DYDC2: variants seen among roughly 807,000 people sequenced by gnomAD.
The protein encoded by DYDC2 is DPY30 domain containing 2.
In DYDC2, 19 loss-of-function variants were observed where a neutral mutation model predicts 18.7. The observed-to-expected ratio is 1.02, with a 90% CI of 0.71 to 1.49. The LOEUF (loss-of-function observed/expected upper bound fraction) is 1.49. Ranked by LOEUF, DYDC2 falls within the 40% of genes most tolerant of loss-of-function variation. DYDC2 has a pLI of 0.00. For missense variants in DYDC2, 179 were observed against 205.1 expected (o/e 0.87, Z 0.78); for synonymous variants, 63 against 67.6 (o/e 0.93, Z 0.34).
At chr10:80,364,992 C>T (rs1843782568) in intron 4 of DYDC2, among the ~76,000 whole-genome samples, 1 of 152,170 alleles carries the variant, frequency 6.6e-6, no homozygotes, top group Non-Finnish European at 1.5e-5. Flanking sequence ...ACAAATTGCT[C>T]CTTGCTATTG....
chr10:80,363,336 GT>G lies in DYDC2; in HGVS notation c.270+289del, dbSNP rs3038629. ...GTGTTACTGGTTTTAAAAAAAATCTGTTTTTTTTTTTTTTTTTTTTTTTTTT... is the reference window on the plus strand; with the variant it reads ...GTGTTACTGGTTTTAAAAAAAATCTGTTTTTTTTTTTTTTTTTTTTTTTTT... On this transcript the variant is annotated intron_variant, in intron 4 of 4. Transcript: ENST00000256039. Among the ~76,000 whole-genome samples the G allele has an allele frequency of 3.5e-3, 285 of 81,640 alleles. 2 individuals carry two copies. The highest frequency in any genetic ancestry group is 0.012 in the African/African-American group (220 of 18,838). The allele number at this position is 81,640 out of a possible 152,430, so 53.6% of individuals were successfully genotyped here. A position where few individuals can be genotyped will look rare whatever the true frequency, so the allele number is the denominator to read the frequency against.
At chr10:80,352,603 TC>T (rs1366435714), upstream of DYDC2, 1 of 1,597,034 alleles carries the variant, frequency 6.3e-7, no homozygotes, top group Non-Finnish European at 8.5e-7. Flanking sequence ...TGACTCCATT[TC>T]TAACTCCTAA....
intron 1 of DYDC2, among the ~76,000 whole-genome samples, chr10:80,345,828 GAT>G (rs202191676): frequency 6.6e-6 from 1 of 151,850 alleles, no homozygotes; most frequent in Non-Finnish European, 1.5e-5. Flanking sequence ...ATATATGTGA[GAT>G]ATATATATAC....
chr10:80,350,717 T>A (rs889604056), intron 1 of DYDC2, among the ~76,000 whole-genome samples: 3 of 152,214 alleles, frequency 2.0e-5, no homozygotes, highest in Non-Finnish European at 4.4e-5. Context: ...TTTTTAAATA[T>A]GTAAATTTGA....
chr10:80,347,276 C>CTTTTTTTTTTTTTT (rs556362145), intron 1 of DYDC2, among the ~76,000 whole-genome samples: 3 of 90,122 alleles, frequency 3.3e-5, no homozygotes, highest in African/African-American at 4.4e-5. Context: ...AATTGGGATC[C>CTTTTTTTTTTTTTT]TTTTTTTTTT....
chr10:80,350,675 T>C (rs1842928771), intron 1 of DYDC2, among the ~76,000 whole-genome samples: 1 of 152,228 alleles, frequency 6.6e-6, no homozygotes, highest in African/African-American at 2.4e-5. Context: ...TTTCTTTCTA[T>C]CCACATACTC....
chr10:80,367,271 C>T lies in DYDC2; in HGVS notation c.*320C>T, dbSNP rs539405992. ...CACCCGGCCATGGGGGCTACAAAGTCCAGCCGAGTCAAAGGAAAGAGAAAA... is the reference window on the plus strand; with the variant it reads ...CACCCGGCCATGGGGGCTACAAAGTTCAGCCGAGTCAAAGGAAAGAGAAAA... On this transcript the variant is annotated 3_prime_UTR_variant, in exon 5 of 5. Transcript: ENST00000256039. 1.9e-5 allele frequency: 4 copies of T among 206,584 alleles called. No homozygotes were observed. In the South Asian group the frequency reaches 5.2e-4, roughly 27 times the overall value. 12.8% of individuals were successfully genotyped at this position (206,584 alleles called of 1,614,324 possible).
In DYDC2 at chr10:80,368,070, T is replaced by C. The variant is rs1843889196; in HGVS notation, c.*1119T>C. 2.0e-5 allele frequency: 3 copies of C among 152,258 alleles called. No individual in the cohort carries two copies. The highest frequency in any genetic ancestry group is 2.0e-4 in the Admixed American group (3 of 15,288). The allele number at this position is 152,258 out of a possible 1,614,324, so 9.4% of individuals were successfully genotyped here. On this transcript the variant is annotated 3_prime_UTR_variant, in exon 5 of 5. Coordinates refer to ENST00000256039, the MANE Select transcript of DYDC2 (RefSeq NM_032372.6). ...ATGTTGTATAAATAGACTCATACAA[T>C]GTTTGTCTTTTTTGTGACTGGCTTA...
chr10:80,346,042 C>T (rs1345701292), intron 1 of DYDC2, among the ~76,000 whole-genome samples: 2 of 152,102 alleles, frequency 1.3e-5, no homozygotes, highest in East Asian at 1.9e-4. Flanking sequence ...GAGATGAGGT[C>T]TCCCTATGTT....
intron 2 of DYDC2, among the ~76,000 whole-genome samples, chr10:80,358,326 C>A (rs11202665): frequency 6.6e-6 from 1 of 152,050 alleles, no homozygotes; most frequent in Non-Finnish European, 1.5e-5. Flanking sequence ...TGCAGTAAGA[C>A]GAGATTGTGC....
intron 1 of DYDC2, among the ~76,000 whole-genome samples, chr10:80,350,628 G>A (rs76560809): frequency 0.022 from 3,300 of 152,312 alleles, 50 homozygotes; most frequent in Non-Finnish European, 0.031. Context: ...TCAGGGATAG[G>A]AGGTTAGTCA....
At chr10:80,366,661 T>C (rs369313389) in intron 4 of DYDC2, 27 bp from the exon 5 acceptor site, 1 of 1,574,018 alleles carries the variant, frequency 6.4e-7, no homozygotes, top group Non-Finnish European at 8.6e-7. Context: ...TAATAATAAG[T>C]TTTCGGCTTT....
intron 2 of DYDC2, among the ~76,000 whole-genome samples, chr10:80,361,990 C>A (rs1184766311): frequency 3.9e-5 from 6 of 152,172 alleles, no homozygotes; most frequent in African/African-American, 1.2e-4. Flanking sequence ...GGTTTCAAGG[C>A]CCTTGCAGTG....
At chr10:80,354,524 C>T (rs1843237188), upstream of DYDC2, 1 of 150,630 alleles carries the variant, frequency 6.6e-6, no homozygotes, top group Non-Finnish European at 1.5e-5. Flanking sequence ...TATTATAGGT[C>T]AGGCACCATG....
chr10:80,356,431 G>T, upstream of DYDC2: 1 of 985,362 alleles, frequency 1.0e-6, no homozygotes, highest in Non-Finnish European at 1.2e-6. Flanking sequence ...ATACAGTATT[G>T]TATCTGGCAA....
At chr10:80,348,862 A>G (rs1002006350) in intron 1 of DYDC2, among the ~76,000 whole-genome samples, 3 of 152,230 alleles carry the variant, frequency 2.0e-5, no homozygotes, top group African/African-American at 7.2e-5. Flanking sequence ...GATGAAATGC[A>G]TAAAACCTCA....
At chr10:80,362,814 G>A in intron 3 of DYDC2, 137 bp from the exon 4 acceptor site, 5 of 1,286,852 alleles carry the variant, frequency 3.9e-6, no homozygotes, top group Non-Finnish European at 5.4e-6. Context: ...GTAACTACTA[G>A]CAGGCTAAAG....
chr10:80,362,400 G>T, intron 2 of DYDC2, 35 bp from the exon 3 acceptor site: 1 of 1,592,398 alleles, frequency 6.3e-7, no homozygotes, highest in Non-Finnish European at 8.6e-7. Flanking sequence ...GATTAAGTTT[G>T]TAAAATAGTG....
chr10:80,363,595 A>G (rs1168365413), intron 4 of DYDC2, among the ~76,000 whole-genome samples: 1 of 149,148 alleles, frequency 6.7e-6, no homozygotes, highest in Non-Finnish European at 1.5e-5. Context: ...TGATCTGCCC[A>G]CCTCGGCCTC....
Sources: gnomAD v4.1 joint callset for allele counts (sites outside exome capture counted in the v4.1 genomes callset) on GRCh38, gnomAD v4.1.1 for gene constraint, MANE v1.5 for transcripts, NCBI Gene and HGNC (gene_info 2026-07-23, HGNC 2026-07-21) for gene names.